Variants in PUS1 observed in about 807,000 individuals in gnomAD.
PUS1 encodes the protein pseudouridine synthase 1.
In PUS1, 25 loss-of-function variants were observed where a neutral mutation model predicts 38.5. That is an observed-to-expected ratio of 0.65 (90% CI 0.47 to 0.91). The LOEUF (loss-of-function observed/expected upper bound fraction) is 0.91. Ranked by LOEUF, PUS1 falls within the 40% of genes least tolerant of loss-of-function variation. The probability of loss-of-function intolerance (pLI) is 0.00; values close to 1 mark genes in which losing one functional copy is unlikely to be tolerated. For missense variants in PUS1, 597 were observed against 612.3 expected (o/e 0.97, Z 0.26); for synonymous variants, 282 against 260.4 (o/e 1.08, Z -0.80).
At chr12:131,934,003 A>T in intron 3 of PUS1, among the ~76,000 whole-genome samples, 1 of 152,236 alleles carries the variant, frequency 6.6e-6, no homozygotes, top group East Asian at 1.9e-4. Context: ...TGTCCACCGG[A>T]CAGGGGTCCT....
intron 3 of PUS1, among the ~76,000 whole-genome samples, chr12:131,933,931 C>A (rs1269053108): frequency 6.6e-6 from 1 of 152,160 alleles, no homozygotes; most frequent in East Asian, 1.9e-4. Flanking sequence ...GTATACAAGG[C>A]AAGGGGACAG....
chr12:131,941,374 C>T lies in PUS1; in HGVS notation c.627C>T (p.Ala209=), dbSNP rs1011916350. 6.2e-6 allele frequency: 10 copies of T among 1,614,244 alleles called. No individual in the cohort carries two copies. The highest frequency in any genetic ancestry group is 1.3e-5 in the African/African-American group (1 of 75,064). The part of the protein sequence containing the change: ...RTYCYLLPTF[A]FAHKDRDVQD... ...ATTGCTACCTGCTGCCCACGTTTGC[C>T]TTTGCGCACAAGGACCGGGACGTTC... The change falls in exon 5 of 6, where the codon GCC becomes GCT. Residue 209 remains alanine (A), a synonymous_variant. Coordinates refer to ENST00000376649, the MANE Select transcript of PUS1 (RefSeq NM_025215.6). The surrounding 1 kb of genome is among the most constrained non-coding windows in gnomAD (Gnocchi z 4.4).
At chr12:131,936,508 AG>A (rs1222071974) in intron 3 of PUS1, among the ~76,000 whole-genome samples, 1 of 152,160 alleles carries the variant, frequency 6.6e-6, no homozygotes, top group Non-Finnish European at 1.5e-5. Flanking sequence ...GGTTGCAGTG[AG>A]CTGAGATCGT....
chr12:131,936,185 C>G (rs1315900311), intron 3 of PUS1, among the ~76,000 whole-genome samples: 2 of 148,448 alleles, frequency 1.3e-5, no homozygotes, highest in Non-Finnish European at 3.0e-5. Context: ...CACTGCAGCC[C>G]GGGTGACAGA....
intron 3 of PUS1, among the ~76,000 whole-genome samples, chr12:131,933,884 T>C (rs764640298): frequency 5.3e-5 from 8 of 152,198 alleles, no homozygotes; most frequent in Non-Finnish European, 1.2e-4. Context: ...CCGAACCTGA[T>C]AGTGGCCCCA....
chr12:131,941,390 C>A lies in PUS1; in HGVS notation c.643C>A (p.Arg215=), dbSNP rs776342428. 1.2e-6 allele frequency: 2 copies of A among 1,614,198 alleles called. No individual in the cohort carries two copies. The highest frequency in any genetic ancestry group is 1.7e-5 in the Admixed American group (1 of 60,022). Residue 215 remains arginine, a synonymous_variant, in exon 5 of 6, where the codon CGG becomes AGG. Transcript: ENST00000376649. This position sits in a 1 kb window ranked among gnomAD's most constrained non-coding sequence, Gnocchi z 4.4. ...CACGTTTGCCTTTGCGCACAAGGACCGGGACGTTCAGGATGAGACCTACCG... is the reference window on the plus strand; with the variant it reads ...CACGTTTGCCTTTGCGCACAAGGACAGGGACGTTCAGGATGAGACCTACCG... ...LPTFAFAHKD[R]DVQDETYRLS... is the part of the protein sequence containing the mutation.
chr12:131,936,984 C>T (rs1439116819), intron 3 of PUS1, among the ~76,000 whole-genome samples: 1 of 152,160 alleles, frequency 6.6e-6, no homozygotes, highest in African/African-American at 2.4e-5. Flanking sequence ...AGCTGTTGAC[C>T]CCCCAGGATG....
At chr12:131,942,981 G>A (rs1020122487) in intron 5 of PUS1, among the ~76,000 whole-genome samples, 22 of 152,244 alleles carry the variant, frequency 1.4e-4, no homozygotes, top group Non-Finnish European at 2.8e-4. Flanking sequence ...CAGGAGCCTC[G>A]TTTCATCTGA....
chr12:131,932,828 G>T (rs111307739), intron 3 of PUS1: 3 of 454,166 alleles, frequency 6.6e-6, no homozygotes, highest in Non-Finnish European at 1.3e-5. Context: ...TCAGCCTCCC[G>T]AGTAGGTGGG....
intron 5 of PUS1, among the ~76,000 whole-genome samples, chr12:131,942,639 C>T (rs1005597124): frequency 2.6e-5 from 4 of 152,298 alleles, no homozygotes; most frequent in East Asian, 3.9e-4. Context: ...ATCTCCTGAC[C>T]TTGTGATCCA....
Position 131,943,052 on chromosome 12 carries a change from G to A in PUS1, c.1237-487G>A, listed in dbSNP as rs569096259. Reference sequence around the variant, plus strand: ...GCCATGTTGGAATGTGACAGTGACCGTATGCTTAAATGTTATCAAGGGAAA... The same window carrying A: ...GCCATGTTGGAATGTGACAGTGACCATATGCTTAAATGTTATCAAGGGAAA... On this transcript the variant is annotated intron_variant, in intron 5 of 5. Transcript: ENST00000376649. Among the ~76,000 whole-genome samples the A allele has an allele frequency of 3.3e-5, 5 of 152,354 alleles. 1 individual carries two copies. Among genetic ancestry groups the A allele is most frequent in the Admixed American group, 1.3e-4 (2 of 15,300 alleles).
chr12:131,934,944 G>C (rs1190610498), intron 3 of PUS1: 1 of 152,250 alleles, frequency 6.6e-6, no homozygotes, highest in Non-Finnish European at 1.5e-5. Context: ...AGTTTCAAAA[G>C]GCACACAGAT....
At position 131,941,707 on chromosome 12, in the gene PUS1, A is replaced by G. The variant is rs1891080382; in HGVS notation, c.960A>G (p.Thr320=). 1.2e-6 allele frequency: 2 copies of G among 1,614,110 alleles called. No homozygotes were observed. The highest frequency in any genetic ancestry group is 1.7e-6 in the Non-Finnish European group (2 of 1,180,040). The change falls in exon 5 of 6, where the codon ACA becomes ACG. Residue 320 remains threonine (T), a synonymous_variant. Coordinates refer to ENST00000376649, the MANE Select transcript of PUS1 (RefSeq NM_025215.6). This position sits in a 1 kb window ranked among gnomAD's most constrained non-coding sequence, Gnocchi z 4.4. Reference sequence around the variant, plus strand: ...GCGTGCTGGAGCGCAGCTGGGGCACAGAGAAGGTGGACGTGCCCAAGGCGC... The same window carrying G: ...GCGTGCTGGAGCGCAGCTGGGGCACGGAGAAGGTGGACGTGCCCAAGGCGC... ...PESVLERSWG[T]EKVDVPKAPG...
chr12:131,935,993 T>C (rs1593291924), intron 3 of PUS1, among the ~76,000 whole-genome samples: 1 of 151,644 alleles, frequency 6.6e-6, no homozygotes, highest in East Asian at 2.0e-4. Context: ...GGCGGATCAC[T>C]TGAGGTCAGG....
At chr12:131,935,986 G>A (rs1001394246) in intron 3 of PUS1, among the ~76,000 whole-genome samples, 6 of 151,974 alleles carry the variant, frequency 3.9e-5, no homozygotes, top group Non-Finnish European at 8.8e-5. Flanking sequence ...CAAGGCGGGC[G>A]GATCACTTGA....
At chr12:131,937,188 C>T (rs910918330) in intron 3 of PUS1, among the ~76,000 whole-genome samples, 8 of 152,164 alleles carry the variant, frequency 5.3e-5, no homozygotes, top group Non-Finnish European at 1.2e-4. Context: ...GTTTATTTTA[C>T]TCTTTCCAAC....
At position 131,944,525 on chromosome 12, in the gene PUS1, C is replaced by CA. The variant is rs1054745471; in HGVS notation, c.*946dup. 1 of 152,172 alleles carries CA rather than the reference C, an allele frequency of 6.6e-6. No homozygotes were observed. The highest frequency in any genetic ancestry group is 1.5e-5 in the Non-Finnish European group (1 of 68,084). The allele number at this position is 152,172 out of a possible 1,614,324, so 9.4% of individuals were successfully genotyped here. A position where few individuals can be genotyped will look rare whatever the true frequency, so the allele number is the denominator to read the frequency against. ...CCAAACTCCGTCAAAAAAAAAACAA[C>CA]AAAAAAACCCAGCATCCTGCACTCT... On this transcript the variant is annotated 3_prime_UTR_variant, in exon 6 of 6. Coordinates refer to ENST00000376649, the MANE Select transcript of PUS1 (RefSeq NM_025215.6).
intron 2 of PUS1, among the ~76,000 whole-genome samples, chr12:131,930,816 T>G (rs565137847): frequency 6.6e-6 from 1 of 151,966 alleles, no homozygotes; most frequent in Non-Finnish European, 1.5e-5. Context: ...TTTGCAGGAA[T>G]GGTGTCTTGC....
intron 5 of PUS1, among the ~76,000 whole-genome samples, chr12:131,942,628 G>C (rs901446679): frequency 2.4e-4 from 36 of 152,288 alleles, no homozygotes; most frequent in Middle Eastern, 3.4e-3. Flanking sequence ...GGATGGTCTT[G>C]ATCTCCTGAC....
Sources: gnomAD v4.1 joint callset for allele counts (sites outside exome capture counted in the v4.1 genomes callset) on GRCh38, gnomAD v4.1.1 for gene constraint, Gnocchi (gnomAD v3.1) non-coding constraint, MANE v1.5 for transcripts, NCBI Gene and HGNC (gene_info 2026-07-23, HGNC 2026-07-21) for gene names.